The following PTPRT variants were observed in gnomAD, a reference collection of about 807,000 sequenced individuals.
The protein encoded by PTPRT is receptor-type tyrosine-protein phosphatase T.
In PTPRT, 56 loss-of-function variants were observed where a neutral mutation model predicts 176.8. The observed-to-expected ratio is 0.32, with a 90% CI of 0.26 to 0.40. The LOEUF is 0.40. Ranked by LOEUF, PTPRT falls within the 10% of genes least tolerant of loss-of-function variation. PTPRT has a pLI of 1.00. For synonymous variants in PTPRT, 783 were observed against 739.0 expected, an observed-to-expected ratio of 1.06 and a Z score of -0.96; for missense variants, 1,540 against 1,908.2, an observed-to-expected ratio of 0.81 and a Z score of 3.60.
chr20:42,173,104 TC>T (rs1990146474), intron 16 of PTPRT, among the ~76,000 whole-genome samples: 1 of 152,194 alleles, frequency 6.6e-6, no homozygotes, highest in African/African-American at 2.4e-5. Context: ...GGGCCATCAA[TC>T]TTGACTTGTT....
intron 13 of PTPRT, among the ~76,000 whole-genome samples, chr20:42,266,260 C>A (rs1024680289): frequency 1.3e-5 from 2 of 152,114 alleles, no homozygotes; most frequent in Admixed American, 1.3e-4. Flanking sequence ...TGTCCCACAG[C>A]TCTTTTTTCT....
intron 8 of PTPRT, among the ~76,000 whole-genome samples, chr20:42,463,225 CT>C (rs112889691): frequency 6.6e-6 from 1 of 152,054 alleles, no homozygotes; most frequent in East Asian, 1.9e-4. Context: ...CAAAAAATTC[CT>C]TTTTTTGTCT....
At chr20:42,498,834 C>A (rs979703702) in intron 7 of PTPRT, among the ~76,000 whole-genome samples, 1 of 152,116 alleles carries the variant, frequency 6.6e-6, no homozygotes, top group African/African-American at 2.4e-5. Flanking sequence ...GACCTGGAAG[C>A]CCCACACTCT....
At chr20:42,703,233 G>A (rs2076000566) in intron 6 of PTPRT, among the ~76,000 whole-genome samples, 1 of 152,112 alleles carries the variant, frequency 6.6e-6, no homozygotes, top group Admixed American at 6.5e-5. Flanking sequence ...GAGAGAGAGA[G>A]AGACAGAGAC....
At chr20:42,935,707 C>T (rs146937499) in intron 1 of PTPRT, among the ~76,000 whole-genome samples, 118 of 151,642 alleles carry the variant, frequency 7.8e-4, no homozygotes, top group African/African-American at 2.5e-3. Flanking sequence ...TCGTCTAGTC[C>T]GGTCTAGTCT....
rs564212044 is a variant in PTPRT, at chr20:42,709,936, C to T, written c.860-31777G>A. On this transcript the variant is annotated intron_variant, in intron 6 of 30. Transcript: ENST00000373187. ...TAGCAAAAAACTTGGCTGCATTATG[C>T]TCATGCCCTAAGAATCTGTGGAAGG... Among the ~76,000 whole-genome samples, 24 of 152,280 alleles carry T rather than the reference C, an allele frequency of 1.6e-4. 1 individual carries two copies. Among genetic ancestry groups the T allele is most frequent in the African/African-American group, 5.5e-4 (23 of 41,550 alleles).
intron 9 of PTPRT, among the ~76,000 whole-genome samples, chr20:42,444,644 T>C (rs2059347245): frequency 2.0e-5 from 3 of 152,120 alleles, no homozygotes; most frequent in African/African-American, 7.2e-5. Context: ...GAGGCCAAGG[T>C]TGTATATAGA....
intron 27 of PTPRT, among the ~76,000 whole-genome samples, chr20:42,087,496 C>G (rs908965626): frequency 4.6e-5 from 7 of 151,692 alleles, no homozygotes; most frequent in African/African-American, 1.5e-4. Context: ...ATCCACCCAC[C>G]TTGGCCTCCC....
chr20:42,943,044 G>GT (rs1980666543), intron 1 of PTPRT, among the ~76,000 whole-genome samples: 1 of 152,286 alleles, frequency 6.6e-6, no homozygotes, highest in Non-Finnish European at 1.5e-5. Flanking sequence ...GTCATTTACA[G>GT]TTTTTTTGTG....
intron 1 of PTPRT, among the ~76,000 whole-genome samples, chr20:42,935,869 C>A (rs1404283690): frequency 6.6e-6 from 1 of 152,208 alleles, no homozygotes; most frequent in African/African-American, 2.4e-5. Flanking sequence ...CCTGCCTCAG[C>A]CTCCCGAGTA....
At chr20:42,543,054 G>C (rs1382381676) in intron 7 of PTPRT, among the ~76,000 whole-genome samples, 1 of 152,216 alleles carries the variant, frequency 6.6e-6, no homozygotes, top group Non-Finnish European at 1.5e-5. Flanking sequence ...TCTCGATGTT[G>C]ATGGCTGCTG....
intron 1 of PTPRT, among the ~76,000 whole-genome samples, chr20:42,994,404 A>G (rs1235402063): frequency 6.6e-6 from 1 of 152,224 alleles, no homozygotes; most frequent in Non-Finnish European, 1.5e-5. Context: ...TTGAATTAGA[A>G]ATCACCTTTG....
intron 8 of PTPRT, among the ~76,000 whole-genome samples, chr20:42,468,797 T>G (rs1013731496): frequency 1.3e-5 from 2 of 152,236 alleles, no homozygotes; most frequent in East Asian, 1.9e-4. Context: ...GTTCATCTCC[T>G]GAGTCCTGAA....
At chr20:42,582,133 G>A (rs1223300701) in intron 7 of PTPRT, among the ~76,000 whole-genome samples, 1 of 152,152 alleles carries the variant, frequency 6.6e-6, no homozygotes, top group Non-Finnish European at 1.5e-5. Flanking sequence ...TCCCTCCTGG[G>A]TCCCAGTAGA....
chr20:42,436,513 A>T (rs2059263452), intron 9 of PTPRT, among the ~76,000 whole-genome samples: 1 of 152,226 alleles, frequency 6.6e-6, no homozygotes, highest in South Asian at 2.1e-4. Flanking sequence ...TATTTAGTCA[A>T]AATGAAGAAT....
intron 11 of PTPRT, among the ~76,000 whole-genome samples, chr20:42,345,132 A>T (rs1368092758): frequency 1.3e-5 from 2 of 151,920 alleles, no homozygotes; most frequent in Non-Finnish European, 2.9e-5. Flanking sequence ...GTAGACCTTT[A>T]CCATCCAAAA....
chr20:42,418,823 G>A (rs536310475), intron 9 of PTPRT, among the ~76,000 whole-genome samples: 12 of 152,236 alleles, frequency 7.9e-5, no homozygotes, highest in African/African-American at 2.4e-4. Context: ...CCTGGCTGTA[G>A]GACACCCTCC....
chr20:42,096,595 G>A (rs1392524992), intron 27 of PTPRT, among the ~76,000 whole-genome samples: 1 of 150,980 alleles, frequency 6.6e-6, no homozygotes. Flanking sequence ...CACAGTAAGA[G>A]TCAGTAAAAA....
intron 1 of PTPRT, among the ~76,000 whole-genome samples, chr20:42,936,557 C>G (rs995381322): frequency 2.0e-5 from 3 of 152,156 alleles, no homozygotes; most frequent in Non-Finnish European, 4.4e-5. Flanking sequence ...TGTCTTATAG[C>G]TTAACAAGTC....
Sources: allele counts gnomAD v4.1 joint callset (sites outside exome capture counted in the v4.1 genomes callset), GRCh38; gene constraint gnomAD v4.1.1; transcripts MANE v1.5; gene names NCBI Gene and HGNC (gene_info 2026-07-23, HGNC 2026-07-21).